Variants in BHLHE22 observed in about 807,000 individuals in gnomAD.
BHLHE22 encodes the protein class E basic helix-loop-helix protein 22.
A neutral mutation model predicts 17.6 loss-of-function variants in BHLHE22; 8 were observed. The ratio of observed to expected loss-of-function variants is 0.45; its 90% confidence interval spans 0.27 to 0.82. The LOEUF is 0.82. Ranked by LOEUF, BHLHE22 falls within the 40% of genes least tolerant of loss-of-function variation. The pLI, the probability that BHLHE22 is intolerant of heterozygous loss-of-function variation, is 0.16. For synonymous variants in BHLHE22, 353 were observed against 282.7 expected, an observed-to-expected ratio of 1.25 and a Z score of -2.49; for missense variants, 570 against 581.5, an observed-to-expected ratio of 0.98 and a Z score of 0.20.
In BHLHE22 at chr8:64,580,491, C is replaced by T; in HGVS notation, c.-300C>T. On this transcript the variant is annotated 5_prime_UTR_variant, in exon 1 of 1. Transcript: ENST00000321870. ...GCTGGGCTCAGAGCGGCGGCGGCGG[C>T]GGCTCCACTCCCTCCGCGCCCACCC... 1 of 155,608 alleles carries T rather than the reference C, an allele frequency of 6.4e-6. No homozygotes were observed. Among genetic ancestry groups the T allele is most frequent in the Non-Finnish European group, 1.4e-5 (1 of 70,250 alleles). 9.6% of individuals were successfully genotyped at this position (155,608 alleles called of 1,614,324 possible).
chr8:64,580,768 G>A lies in BHLHE22; in HGVS notation c.-23G>A, dbSNP rs1305430640. On this transcript the variant is annotated 5_prime_UTR_variant, in exon 1 of 1. Transcript: ENST00000321870. ...GCGGCGGCAGCGGGCGCGGCGGCCCGGGCTGCGCGCCGGCGCGGGACCATG... is the reference window on the plus strand; with the variant it reads ...GCGGCGGCAGCGGGCGCGGCGGCCCAGGCTGCGCGCCGGCGCGGGACCATG... The A allele has an allele frequency of 3.4e-6, 4 of 1,174,338 alleles. No individual in the cohort carries two copies. Among genetic ancestry groups the A allele is most frequent in the Non-Finnish European group, 3.1e-6 (3 of 953,768 alleles). 72.7% of individuals were successfully genotyped at this position (1,174,338 alleles called of 1,614,324 possible).
rs1804926474 is a variant in BHLHE22, at chr8:64,582,968, A to G, written c.*1032A>G. 6.0e-6 allele frequency: 1 copy of G among 166,908 alleles called. No individual in the cohort carries two copies. 10.3% of individuals were successfully genotyped at this position (166,908 alleles called of 1,614,324 possible). A position where few individuals can be genotyped will look rare whatever the true frequency, so the allele number is the denominator to read the frequency against. On this transcript the variant is annotated 3_prime_UTR_variant, in exon 1 of 1. Transcript: ENST00000321870. Reference sequence around the variant, plus strand: ...CATCCCTGTATTTAAATTGAGCTTTAATAAATTGCTTCAGTCCAAAAATTA... The same window carrying G: ...CATCCCTGTATTTAAATTGAGCTTTGATAAATTGCTTCAGTCCAAAAATTA...
In BHLHE22 at chr8:64,581,817, C is replaced by A. The variant is rs1299085777; in HGVS notation, c.1027C>A (p.Gln343Lys). The A allele has an allele frequency of 6.3e-7, 1 of 1,599,052 alleles. No homozygotes were observed. The highest frequency in any genetic ancestry group is 8.5e-7 in the Non-Finnish European group (1 of 1,175,960). The change falls in exon 1 of 1, where the codon CAG (glutamine) becomes AAG (lysine). Residue 343 changes from glutamine to lysine, a missense_variant. This residue lies in a region of BHLHE22 where 111 missense variants were observed against 122.0 expected (regional missense o/e 0.91). Transcript: ENST00000321870. The surrounding 1 kb of genome is among the most constrained non-coding windows in gnomAD (Gnocchi z 6.4). ...ALHPALGAYE[Q>K]AAGYPFSAGL... ...GCACCCGGCGCTCGGCGCCTACGAGCAGGCAGCCGGCTACCCGTTCAGCGC... is the reference window on the plus strand; with the variant it reads ...GCACCCGGCGCTCGGCGCCTACGAGAAGGCAGCCGGCTACCCGTTCAGCGC...
At position 64,581,491 on chromosome 8, in the gene BHLHE22, G is replaced by C. The variant is rs1472327228; in HGVS notation, c.701G>C (p.Ser234Thr). The C allele has an allele frequency of 3.8e-6, 6 of 1,576,088 alleles. No homozygotes were observed. The East Asian group carries it at 1.4e-4, about 37-fold the overall frequency. ...GGSSSSSSSS[S>T]KKSKEQKALR... Reference sequence around the variant, plus strand: ...AGCAGCAGCAGCAGCAGCAGCAGCAGCAAGAAATCCAAAGAGCAAAAGGCG... The same window carrying C: ...AGCAGCAGCAGCAGCAGCAGCAGCACCAAGAAATCCAAAGAGCAAAAGGCG... The change falls in exon 1 of 1, where the codon AGC becomes ACC. Residue 234 changes from serine (S) to threonine (T), a missense_variant. Ser to Thr is a moderately conservative substitution (Grantham distance 58, BLOSUM62 1). Around this residue, in one of 3 missense-constraint regions of BHLHE22, gnomAD observed 32 missense variants for 83.3 expected, o/e 0.38. Transcript: ENST00000321870. The surrounding 1 kb of genome is among the most constrained non-coding windows in gnomAD (Gnocchi z 6.4).
chr8:64,580,471 G>T lies in BHLHE22; in HGVS notation c.-320G>T. 1 of 156,292 alleles carries T rather than the reference G, an allele frequency of 6.4e-6. No individual in the cohort carries two copies. Among genetic ancestry groups the T allele is most frequent in the Non-Finnish European group, 1.4e-5 (1 of 70,510 alleles). The allele number at this position is 156,292 out of a possible 1,614,324, so 9.7% of individuals were successfully genotyped here. A position where few individuals can be genotyped will look rare whatever the true frequency, so the allele number is the denominator to read the frequency against. The stretch of plus-strand genomic sequence containing the variant: ...GTGCGGAGAGGAGGCGCGGGGCTGG[G>T]CTCAGAGCGGCGGCGGCGGCGGCTC... On this transcript the variant is annotated 5_prime_UTR_variant, in exon 1 of 1. Coordinates refer to ENST00000321870, the MANE Select transcript of BHLHE22 (RefSeq NM_152414.5).
chr8:64,581,870 G>A lies in BHLHE22; in HGVS notation c.1080G>A (p.Pro360=). The A allele has an allele frequency of 6.2e-7, 1 of 1,609,184 alleles. No individual in the cohort carries two copies. The highest frequency in any genetic ancestry group is 2.2e-5 in the East Asian group (1 of 44,774). ...SAGLPPAASC[P]EKCALFNSVS... ...GACTGCCCCCGGCTGCCTCCTGCCC[G>A]GAGAAGTGCGCCCTGTTTAACAGCG... Residue 360 remains proline, a synonymous_variant, in exon 1 of 1, where the codon CCG becomes CCA. Transcript: ENST00000321870. The surrounding 1 kb of genome is among the most constrained non-coding windows in gnomAD (Gnocchi z 6.4).
At position 64,581,463 on chromosome 8, in the gene BHLHE22, G is replaced by GGCAGCAGCAGCAGCAGCA. The variant is rs34265378; in HGVS notation, c.686_703dup (p.Ser229_Ser234dup). The GGCAGCAGCAGCAGCAGCA allele has an allele frequency of 2.8e-5, 41 of 1,450,648 alleles. No homozygotes were observed. The highest frequency in any genetic ancestry group is 2.0e-5 in the Admixed American group (1 of 49,212). The allele number at this position is 1,450,648 out of a possible 1,614,324, so 89.9% of individuals were successfully genotyped here. A position where few individuals can be genotyped will look rare whatever the true frequency, so the allele number is the denominator to read the frequency against. On this transcript the variant is annotated inframe_insertion, in exon 1 of 1. Coordinates refer to ENST00000321870, the MANE Select transcript of BHLHE22 (RefSeq NM_152414.5). The surrounding 1 kb of genome is among the most constrained non-coding windows in gnomAD (Gnocchi z 6.4). ...TGGCGGTAGCGGTAGCGGCAGCGGC[G>GGCAGCAGCAGCAGCAGCA]GCAGCAGCAGCAGCAGCAGCAGCAG...
chr8:64,581,433 G>GGCGGTGGCGGTA lies in BHLHE22; in HGVS notation c.649_660dup (p.Gly217_Gly220dup), dbSNP rs1302982619. The GGCGGTGGCGGTA allele has an allele frequency of 7.2e-6, 11 of 1,535,124 alleles. No homozygotes were observed. The highest frequency in any genetic ancestry group is 1.4e-5 in the African/African-American group (1 of 72,444). On this transcript the variant is annotated inframe_insertion, in exon 1 of 1. Coordinates refer to ENST00000321870, the MANE Select transcript of BHLHE22 (RefSeq NM_152414.5). The surrounding 1 kb of genome is among the most constrained non-coding windows in gnomAD (Gnocchi z 6.4). The stretch of plus-strand genomic sequence containing the variant: ...GGGTAGCAGCAGCGGTAGCAGTGGC[G>GGCGGTGGCGGTA]GCGGTGGCGGTAGCGGTAGCGGCAG...
chr8:64,581,756 C>A lies in BHLHE22; in HGVS notation c.966C>A (p.Pro322=). 6.3e-7 allele frequency: 1 copy of A among 1,597,958 alleles called. No individual in the cohort carries two copies. Among genetic ancestry groups the A allele is most frequent in the East Asian group, 2.3e-5 (1 of 43,900 alleles). ...AGGCCATCTCGGCTGCCTCCCTGCC[C>A]AGCTCGGCGGCTGCAGCGGCAGCAG... ...QGQAISAASL[P]SSAAAAAAAA... The change falls in exon 1 of 1, where the codon CCC becomes CCA. Residue 322 remains proline, a synonymous_variant. Transcript: ENST00000321870. The surrounding 1 kb of genome is among the most constrained non-coding windows in gnomAD (Gnocchi z 6.4).
rs1307008727 is a variant in BHLHE22 at position 64,583,213 on chromosome 8, TTTAAG to T, written c.*1282_*1286del. 2 of 167,018 alleles carry T rather than the reference TTTAAG, an allele frequency of 1.2e-5. No homozygotes were observed. Among genetic ancestry groups the T allele is most frequent in the African/African-American group, 4.8e-5 (2 of 41,450 alleles). The allele number at this position is 167,018 out of a possible 1,614,324, so 10.3% of individuals were successfully genotyped here. A position where few individuals can be genotyped will look rare whatever the true frequency, so the allele number is the denominator to read the frequency against. ...ATGTTATTTTAACTGTGGAGAATTA[TTTAAG>T]TTAAAAGACTGGTTTGATTTGCCTA... On this transcript the variant is annotated 3_prime_UTR_variant, in exon 1 of 1. Coordinates refer to ENST00000321870, the MANE Select transcript of BHLHE22 (RefSeq NM_152414.5).
In BHLHE22 at chr8:64,582,166, G is replaced by A. The variant is rs1370624399; in HGVS notation, c.*230G>A. The A allele has an allele frequency of 5.0e-6, 3 of 605,770 alleles. No homozygotes were observed. Among genetic ancestry groups the A allele is most frequent in the Non-Finnish European group, 8.7e-6 (3 of 345,034 alleles). 37.5% of individuals were successfully genotyped at this position (605,770 alleles called of 1,614,324 possible). On this transcript the variant is annotated 3_prime_UTR_variant, in exon 1 of 1. Transcript: ENST00000321870. ...GGAGGGAGGAGGGAGGTGGAGTTGG[G>A]ATGGAGTATGGATGTCTTTTTTTTC...
chr8:64,581,030 T>A lies in BHLHE22; in HGVS notation c.240T>A (p.Pro80=). The change falls in exon 1 of 1, where the codon CCT becomes CCA. Residue 80 remains proline, a synonymous_variant. Transcript: ENST00000321870. The surrounding 1 kb of genome is among the most constrained non-coding windows in gnomAD (Gnocchi z 6.4). ...PEGAGLLLPP[P]GGGGGGSAGS... ...GGGCAGGGCTGCTGTTGCCGCCGCCTGGAGGAGGCGGCGGCGGCAGCGCGG... is the reference window on the plus strand; with the variant it reads ...GGGCAGGGCTGCTGTTGCCGCCGCCAGGAGGAGGCGGCGGCGGCAGCGCGG... 1 of 1,316,332 alleles carries A rather than the reference T, an allele frequency of 7.6e-7. No homozygotes were observed. Among genetic ancestry groups the A allele is most frequent in the Non-Finnish European group, 9.6e-7 (1 of 1,042,952 alleles). The allele number at this position is 1,316,332 out of a possible 1,614,324, so 81.5% of individuals were successfully genotyped here.
In BHLHE22 at chr8:64,581,780, A is replaced by G; in HGVS notation, c.990A>G (p.Ala330=). The change falls in exon 1 of 1, where the codon GCA becomes GCG. Residue 330 remains alanine, a synonymous_variant. Transcript: ENST00000321870. This position sits in a 1 kb window ranked among gnomAD's most constrained non-coding sequence, Gnocchi z 6.4. ...SLPSSAAAAA[A]AAALHPALGA... ...CCAGCTCGGCGGCTGCAGCGGCAGCAGCTGCTGCCCTGCACCCGGCGCTCG... is the reference window on the plus strand; with the variant it reads ...CCAGCTCGGCGGCTGCAGCGGCAGCGGCTGCTGCCCTGCACCCGGCGCTCG... The G allele has an allele frequency of 6.3e-7, 1 of 1,588,808 alleles. No individual in the cohort carries two copies. Among genetic ancestry groups the G allele is most frequent in the Non-Finnish European group, 8.5e-7 (1 of 1,171,378 alleles).
chr8:64,581,077 GC>G lies in BHLHE22; in HGVS notation c.288del (p.Val98TrpfsTer7). On this transcript the variant is annotated frameshift_variant, in exon 1 of 1. Transcript: ENST00000321870. LOFTEE classifies it high-confidence loss of function. The surrounding 1 kb of genome is among the most constrained non-coding windows in gnomAD (Gnocchi z 6.4). ...GSAGSGGGGG[G>X]GVGVPGLLVG... ...GCGGGAAGTGGCGGCGGCGGCGGCG[GC>G]GGGGTGGGTGTCCCCGGGCTGCTAG... 3 of 1,326,928 alleles carry G rather than the reference GC, an allele frequency of 2.3e-6. No individual in the cohort carries two copies. Among genetic ancestry groups the G allele is most frequent in the Non-Finnish European group, 2.9e-6 (3 of 1,048,322 alleles). The allele number at this position is 1,326,928 out of a possible 1,614,324, so 82.2% of individuals were successfully genotyped here.
At position 64,580,900 on chromosome 8, in the gene BHLHE22, C is replaced by T. The variant is rs1260160939; in HGVS notation, c.110C>T (p.Ser37Phe). 3 of 1,521,436 alleles carry T rather than the reference C, an allele frequency of 2.0e-6. No homozygotes were observed. The highest frequency in any genetic ancestry group is 2.6e-6 in the Non-Finnish European group (3 of 1,145,494). The allele number at this position is 1,521,436 out of a possible 1,614,324, so 94.2% of individuals were successfully genotyped here. ...TSKRLEAAFR[S>F]TPPGMDLSLA... The stretch of plus-strand genomic sequence containing the variant: ...AAGCGCTTGGAAGCGGCTTTCCGCT[C>T]CACGCCCCCGGGCATGGACCTGTCC... Residue 37 changes from serine to phenylalanine, a missense_variant, in exon 1 of 1, where the codon TCC becomes TTC. Transcript: ENST00000321870.
In BHLHE22 at chr8:64,581,127, G is replaced by C. The variant is rs1804888734; in HGVS notation, c.337G>C (p.Asp113His). The change falls in exon 1 of 1, where the codon GAC becomes CAC. Residue 113 changes from aspartate (D) to histidine (H), a missense_variant. Asp to His is a moderately conservative substitution (Grantham distance 81, BLOSUM62 -1). This residue lies in a region of BHLHE22 where 427 missense variants were observed against 376.2 expected (regional missense o/e 1.14). Coordinates refer to ENST00000321870, the MANE Select transcript of BHLHE22 (RefSeq NM_152414.5). The surrounding 1 kb of genome is among the most constrained non-coding windows in gnomAD (Gnocchi z 6.4). The stretch of plus-strand genomic sequence containing the variant: ...AGTAGGTTCAGCCGGCGTTGGGGGC[G>C]ACCCTAGCCTAAGCAGCCTGCCGGC... ...LLVGSAGVGG[D>H]PSLSSLPAGA... 2 of 1,376,684 alleles carry C rather than the reference G, an allele frequency of 1.5e-6. No individual in the cohort carries two copies. Among genetic ancestry groups the C allele is most frequent in the Non-Finnish European group, 9.3e-7 (1 of 1,073,038 alleles). The allele number at this position is 1,376,684 out of a possible 1,614,324, so 85.3% of individuals were successfully genotyped here. A position where few individuals can be genotyped will look rare whatever the true frequency, so the allele number is the denominator to read the frequency against.
chr8:64,582,190 T>TC lies in BHLHE22; in HGVS notation c.*255dup, dbSNP rs1804914951. ...GGATGGAGTATGGATGTCTTTTTTT[T>TC]CTCAGAAAAGTGGCAACTTTGGTGG... On this transcript the variant is annotated 3_prime_UTR_variant, in exon 1 of 1. Coordinates refer to ENST00000321870, the MANE Select transcript of BHLHE22 (RefSeq NM_152414.5). The TC allele has an allele frequency of 7.4e-6, 4 of 540,446 alleles. No homozygotes were observed. The highest frequency in any genetic ancestry group is 7.3e-5 in the South Asian group (3 of 40,898). The allele number at this position is 540,446 out of a possible 1,614,324, so 33.5% of individuals were successfully genotyped here.
rs1804889419 is a variant in BHLHE22 at position 64,581,160 on chromosome 8, G to A, written c.370G>A (p.Ala124Thr). The change falls in exon 1 of 1, where the codon GCC becomes ACC. Residue 124 changes from alanine (A) to threonine (T), a missense_variant. By Grantham distance (58) the Ala-to-Thr change is moderately conservative. Around this residue, in one of 3 missense-constraint regions of BHLHE22, gnomAD observed 427 missense variants for 376.2 expected, o/e 1.14. Coordinates refer to ENST00000321870, the MANE Select transcript of BHLHE22 (RefSeq NM_152414.5). The surrounding 1 kb of genome is among the most constrained non-coding windows in gnomAD (Gnocchi z 6.4). ...PSLSSLPAGA[A>T]LCLKYGESAS... is the part of the protein sequence containing the mutation. The stretch of plus-strand genomic sequence containing the variant: ...CCTAAGCAGCCTGCCGGCCGGGGCC[G>A]CCCTTTGCCTCAAGTACGGCGAAAG... 4 of 1,414,504 alleles carry A rather than the reference G, an allele frequency of 2.8e-6. No homozygotes were observed. In the East Asian group the frequency reaches 1.1e-4, roughly 40 times the overall value. 87.6% of individuals were successfully genotyped at this position (1,414,504 alleles called of 1,614,324 possible).
Position 64,580,617 on chromosome 8 carries a change from A to C in BHLHE22, c.-174A>C. 1.7e-5 allele frequency: 3 copies of C among 178,516 alleles called. No individual in the cohort carries two copies. Among genetic ancestry groups the C allele is most frequent in the Non-Finnish European group, 3.3e-5 (3 of 91,258 alleles). The allele number at this position is 178,516 out of a possible 1,614,324, so 11.1% of individuals were successfully genotyped here. A position where few individuals can be genotyped will look rare whatever the true frequency, so the allele number is the denominator to read the frequency against. ...AAGAGGAGGCGGCGAGCGCGGGGGA[A>C]GGCGAAAAAGAAAAAGAAAGAAGGG... On this transcript the variant is annotated 5_prime_UTR_variant, in exon 1 of 1. Transcript: ENST00000321870.
Sources: allele counts gnomAD v4.1 joint callset, GRCh38; gene constraint gnomAD v4.1.1; regional missense constraint gnomAD v4.1.1; non-coding constraint Gnocchi (gnomAD v3.1); transcripts MANE v1.5; gene names NCBI Gene and HGNC (gene_info 2026-07-23, HGNC 2026-07-21).